CNTNAP3: variants seen among roughly 807,000 people sequenced by gnomAD.
The protein encoded by CNTNAP3 is contactin associated protein family member 3.
CNTNAP3 carries 36 observed loss-of-function variants against 92.1 expected under a neutral mutation model. The observed-to-expected ratio is 0.39, with a 90% CI of 0.30 to 0.52. The LOEUF (loss-of-function observed/expected upper bound fraction) is 0.52. Ranked by LOEUF, CNTNAP3 falls within the 20% of genes least tolerant of loss-of-function variation. The probability of loss-of-function intolerance (pLI) is 0.76; values close to 1 mark genes in which losing one functional copy is unlikely to be tolerated. For synonymous variants in CNTNAP3, 232 were observed against 422.3 expected (o/e 0.55, Z 5.53); for missense variants, 534 against 1,069.6 (o/e 0.50, Z 6.98).
chr9:39,147,088 G>T (rs1227171583), intron 10 of CNTNAP3, among the ~76,000 whole-genome samples: 1 of 152,102 alleles, frequency 6.6e-6, no homozygotes, highest in Non-Finnish European at 1.5e-5. Flanking sequence ...CCCTGCACAG[G>T]TTCTCTTGCA....
intron 13 of CNTNAP3, among the ~76,000 whole-genome samples, chr9:39,127,309 C>T (rs1228586013): frequency 7.3e-5 from 11 of 151,628 alleles, no homozygotes; most frequent in South Asian, 4.2e-4. Flanking sequence ...AAACGTAGCA[C>T]TAAATGCCTA....
chr9:39,075,065 G>C (rs548363055), intron 23 of CNTNAP3, among the ~76,000 whole-genome samples: 1 of 152,400 alleles, frequency 6.6e-6, no homozygotes, highest in South Asian at 2.1e-4. Context: ...ACCGCGCCCG[G>C]CCGATAATAT....
intron 11 of CNTNAP3, among the ~76,000 whole-genome samples, chr9:39,144,024 CT>C (rs1276753985): frequency 3.3e-5 from 5 of 152,308 alleles, no homozygotes; most frequent in Middle Eastern, 3.4e-3. Context: ...TTGCCAGTTT[CT>C]TTTTTTCAAT....
chr9:39,109,368 T>A, intron 14 of CNTNAP3, 81 bp from the exon 15 acceptor site: 1 of 1,574,780 alleles, frequency 6.4e-7, no homozygotes, highest in Non-Finnish European at 8.6e-7. Flanking sequence ...TATCTCAATT[T>A]GAAACCAACA....
At chr9:39,103,204 C>T (rs1303206061) in intron 16 of CNTNAP3, among the ~76,000 whole-genome samples, 2 of 152,298 alleles carry the variant, frequency 1.3e-5, no homozygotes, top group African/African-American at 4.8e-5. Context: ...AAAGCTCTGG[C>T]TCTGCTGTTC....
At position 39,128,195 on chromosome 9, in the gene CNTNAP3, C is replaced by G. The variant is rs1385263965; in HGVS notation, c.2080+4737G>C. The stretch of plus-strand genomic sequence containing the variant: ...AAAATTAAAGTCAATTTTACATAAT[C>G]TCTTCCAGAAAACAGGAGACTAGAG... On this transcript the variant is annotated intron_variant, in intron 13 of 23. Transcript: ENST00000297668. Among the ~76,000 whole-genome samples, 3 of 151,998 alleles carry G rather than the reference C, an allele frequency of 2.0e-5. No individual in the cohort carries two copies. In the East Asian group the frequency reaches 5.8e-4, roughly 29 times the overall value.
chr9:39,104,043 T>A, intron 15 of CNTNAP3, 129 bp from the exon 16 acceptor site: 1 of 1,440,842 alleles, frequency 6.9e-7, no homozygotes, highest in Non-Finnish European at 9.2e-7. Context: ...TCACTGGGGG[T>A]TCTGAGCATC....
At chr9:39,089,493 T>C (rs1465909787) in intron 18 of CNTNAP3, among the ~76,000 whole-genome samples, 1 of 152,204 alleles carries the variant, frequency 6.6e-6, no homozygotes, top group Non-Finnish European at 1.5e-5. Context: ...GTTTCTACTT[T>C]TTGACTATTA....
chr9:39,107,604 C>T lies in CNTNAP3; in HGVS notation c.2365+1556G>A, dbSNP rs577961640. ...GACCCAAACAAAATCACAGAGGTAA[C>T]AGATAAATCGGAAATATCTGGAAAT... is the stretch of plus-strand genomic sequence containing the variant. On this transcript the variant is annotated intron_variant, in intron 15 of 23. Coordinates refer to ENST00000297668, the MANE Select transcript of CNTNAP3 (RefSeq NM_033655.5). Among the ~76,000 whole-genome samples the T allele has an allele frequency of 3.3e-5, 5 of 152,150 alleles. No homozygotes were observed. The East Asian group carries it at 7.7e-4, about 23-fold the overall frequency.
In CNTNAP3 at chr9:39,069,111, C is replaced by A. The variant is rs1364711409; in HGVS notation, c.*4779G>T. ...TTTAGCTATCAATTATGTTTACTCA[C>A]TGCAGATTAAGATGAACATTGTAGA... is the stretch of plus-strand genomic sequence containing the variant. On this transcript the variant is annotated 3_prime_UTR_variant, in exon 24 of 24. Coordinates refer to ENST00000297668, the MANE Select transcript of CNTNAP3 (RefSeq NM_033655.5). 1.1e-4 allele frequency among the ~76,000 whole-genome samples: 16 copies of A among 152,334 alleles called. No individual in the cohort carries two copies. The highest frequency in any genetic ancestry group is 3.6e-4 in the African/African-American group (15 of 41,564).
At chr9:39,170,419 CT>C (rs199669428) in intron 8 of CNTNAP3, among the ~76,000 whole-genome samples, 506 of 112,136 alleles carry the variant, frequency 4.5e-3, no homozygotes, top group African/African-American at 0.022. Context: ...TCAGATTACG[CT>C]TTTTTTTTTT....
At chr9:39,133,430 A>T (rs934119233) in intron 12 of CNTNAP3, among the ~76,000 whole-genome samples, 1 of 151,952 alleles carries the variant, frequency 6.6e-6, no homozygotes, top group South Asian at 2.1e-4. Context: ...TATCAACACA[A>T]GCATGGGGCC....
At chr9:39,085,922 A>T in intron 20 of CNTNAP3, 99 bp from the exon 21 acceptor site, 1 of 1,087,658 alleles carries the variant, frequency 9.2e-7, no homozygotes, top group Non-Finnish European at 1.4e-6. Context: ...AAAATAAATC[A>T]CTTTTAAGTA....
intron 12 of CNTNAP3, among the ~76,000 whole-genome samples, chr9:39,136,565 T>C (rs1203596420): frequency 7.2e-5 from 11 of 152,176 alleles, no homozygotes; most frequent in Admixed American, 5.9e-4. Flanking sequence ...TTATCTCCTA[T>C]GTAGGTAAGG....
intron 21 of CNTNAP3, chr9:39,085,415 T>C (rs1433910692): frequency 8.2e-6 from 3 of 366,636 alleles, no homozygotes; most frequent in Admixed American, 4.2e-5. Flanking sequence ...AATACATACA[T>C]AATCTGTGAA....
At position 39,092,687 on chromosome 9, in the gene CNTNAP3, A is replaced by T. The variant is rs1576778; in HGVS notation, c.2996-4040T>A. Among the ~76,000 whole-genome samples, 61 of 136,012 alleles carry T rather than the reference A, an allele frequency of 4.5e-4. No homozygotes were observed. The South Asian group carries it at 8.0e-3, about 18-fold the overall frequency. 89.2% of individuals were successfully genotyped at this position (136,012 alleles called of 152,430 possible). On this transcript the variant is annotated intron_variant, in intron 18 of 23. Coordinates refer to ENST00000297668, the MANE Select transcript of CNTNAP3 (RefSeq NM_033655.5). ...CCATGAACACTTGAGAAGAATATAC[A>T]TTCTGCTATTGTTAAGTGGTGTGTT...
At chr9:39,132,761 T>TGA (rs1821323791) in intron 13 of CNTNAP3, among the ~76,000 whole-genome samples, 171 bp downstream of exon 13, 1 of 152,138 alleles carries the variant, frequency 6.6e-6, no homozygotes, top group African/African-American at 2.4e-5. Flanking sequence ...AAGGCGCTCT[T>TGA]GAATGCTCTT....
At position 39,070,973 on chromosome 9, in the gene CNTNAP3, T is replaced by C. The variant is rs1334841375; in HGVS notation, c.*2917A>G. The stretch of plus-strand genomic sequence containing the variant: ...CTGGGAAGGCAGGAAGGTGGGCTTC[T>C]CTATGGATTGAAGTTAAGAGAGAGA... On this transcript the variant is annotated 3_prime_UTR_variant, in exon 24 of 24. Coordinates refer to ENST00000297668, the MANE Select transcript of CNTNAP3 (RefSeq NM_033655.5). 1.4e-4 allele frequency among the ~76,000 whole-genome samples: 21 copies of C among 152,092 alleles called. No individual in the cohort carries two copies. Among genetic ancestry groups the C allele is most frequent in the African/African-American group, 4.1e-4 (17 of 41,338 alleles).
rs1825494387 is a variant in CNTNAP3, at chr9:39,065,652, A to T, written c.*8238T>A. ...AACACGTGGTACTGACAATATTTTT[A>T]ATCATAACCATTTTAGTGGGAAGAA... On this transcript the variant is annotated 3_prime_UTR_variant, in exon 24 of 24. Transcript: ENST00000297668. 2.0e-5 allele frequency among the ~76,000 whole-genome samples: 3 copies of T among 152,224 alleles called. No individual in the cohort carries two copies. The highest frequency in any genetic ancestry group is 4.4e-5 in the Non-Finnish European group (3 of 68,028).
Sources: allele counts gnomAD v4.1 joint callset (sites outside exome capture counted in the v4.1 genomes callset), GRCh38; gene constraint gnomAD v4.1.1; transcripts MANE v1.5; gene names NCBI Gene and HGNC (gene_info 2026-07-23, HGNC 2026-07-21).